The following ROBO2 variants were observed in gnomAD, a reference collection of about 807,000 sequenced individuals.
ROBO2 encodes roundabout guidance receptor 2.
A neutral mutation model predicts 160.8 loss-of-function variants in ROBO2; 53 were observed. That is an observed-to-expected ratio of 0.33 (90% CI 0.26 to 0.41). The LOEUF is 0.41. Among genes scored for constraint, ROBO2 ranks in the 10% least tolerant of loss-of-function variants. ROBO2 has a pLI of 1.00. For synonymous variants in ROBO2, 664 were observed against 611.7 expected, an observed-to-expected ratio of 1.09 and a Z score of -1.26; for missense variants, 1,577 against 1,722.4, an observed-to-expected ratio of 0.92 and a Z score of 1.49.
intron 2 of ROBO2, among the ~76,000 whole-genome samples, chr3:76,074,777 AAAAG>A (rs2107985952): frequency 6.6e-6 from 1 of 152,332 alleles, no homozygotes; most frequent in South Asian, 2.1e-4. Context: ...TTTTAATGAA[AAAAG>A]AAAGTTCTGT....
At chr3:76,932,732 T>C (rs1460835038) in intron 2 of ROBO2, among the ~76,000 whole-genome samples, 2 of 152,178 alleles carry the variant, frequency 1.3e-5, no homozygotes, top group East Asian at 3.8e-4. Context: ...TGTTGTATTA[T>C]GAGGAAGACA....
rs573427600 is a variant in ROBO2 at position 77,480,955 on chromosome 3, C to G, written c.547-144C>G. 5.5e-5 allele frequency: 37 copies of G among 674,980 alleles called. No individual in the cohort carries two copies. In the South Asian group the frequency reaches 6.9e-4, roughly 13 times the overall value. The allele number at this position is 674,980 out of a possible 1,614,324, so 41.8% of individuals were successfully genotyped here. A position where few individuals can be genotyped will look rare whatever the true frequency, so the allele number is the denominator to read the frequency against. The stretch of plus-strand genomic sequence containing the variant: ...GGTGAATTTAAGAAAAGAAAACATA[C>G]CTGCAAATGCCAAAATAATGGGAGA... On this transcript the variant is annotated intron_variant, in intron 3 of 25. Coordinates refer to ENST00000461745, the Ensembl canonical transcript of ROBO2.
At chr3:76,061,559 T>C (rs1469028730) in intron 2 of ROBO2, among the ~76,000 whole-genome samples, 2 of 152,174 alleles carry the variant, frequency 1.3e-5, no homozygotes, top group African/African-American at 2.4e-5. Context: ...TCTGTTGAAA[T>C]TTGTGAAAAA....
At chr3:76,796,479 GGAGGGAA>G (rs1349527576) in intron 2 of ROBO2, among the ~76,000 whole-genome samples, 120 of 91,196 alleles carry the variant, frequency 1.3e-3, no homozygotes, top group Admixed American at 6.2e-3. Flanking sequence ...AAGGAAGGAA[GGAGGGAA>G]GGAAGGAAGG....
At chr3:75,918,387 G>A (rs1559750416) in intron 1 of ROBO2, among the ~76,000 whole-genome samples, 1 of 152,018 alleles carries the variant, frequency 6.6e-6, no homozygotes, top group East Asian at 1.9e-4. Context: ...TGTTTCATTG[G>A]TCTATATATC....
At chr3:76,015,963 A>G (rs771872785) in intron 2 of ROBO2, among the ~76,000 whole-genome samples, 6 of 152,148 alleles carry the variant, frequency 3.9e-5, no homozygotes, top group Non-Finnish European at 7.3e-5. Flanking sequence ...TTTCCTCTTC[A>G]CAGAATGGGA....
At chr3:76,869,340 A>ATCTTTTTTTTTT (rs1178461363) in intron 2 of ROBO2, among the ~76,000 whole-genome samples, 1 of 108,140 alleles carries the variant, frequency 9.2e-6, no homozygotes, top group Non-Finnish European at 1.9e-5. Context: ...GTAGAAATTG[A>ATCTTTTTTTTTT]TGTTTTTTTT....
chr3:77,164,942 G>C (rs1419621878), intron 2 of ROBO2, among the ~76,000 whole-genome samples: 1 of 50,372 alleles, frequency 2.0e-5, no homozygotes, highest in Non-Finnish European at 5.6e-5. Flanking sequence ...AGGTGGGGGC[G>C]GTCAGCCCCC....
At chr3:77,466,833 T>C (rs1021931593) in intron 2 of ROBO2, among the ~76,000 whole-genome samples, 3 of 152,230 alleles carry the variant, frequency 2.0e-5, no homozygotes, top group African/African-American at 7.2e-5. Flanking sequence ...TAATGTGTAA[T>C]AATCCTTAGA....
chr3:76,024,962 G>A (rs2066692547), intron 2 of ROBO2, among the ~76,000 whole-genome samples: 1 of 149,938 alleles, frequency 6.7e-6, no homozygotes, highest in South Asian at 2.1e-4. Context: ...TTATATATAT[G>A]TGTGTATATA....
intron 2 of ROBO2, among the ~76,000 whole-genome samples, chr3:77,204,291 A>G (rs972869135): frequency 6.6e-6 from 1 of 152,198 alleles, no homozygotes; most frequent in African/African-American, 2.4e-5. Context: ...CAGTGCATGC[A>G]ACTAAAATAT....
rs1197351337 is a variant in ROBO2, at chr3:76,873,889, CA to C, written c.110-224124del. On this transcript the variant is annotated intron_variant, in intron 2 of 26. Coordinates refer to the ROBO2 transcript ENST00000487694. ...GGCATATTGTGTATCTGAAGTTTAC[CA>C]CCCAGAAAGACAAGGCCTCGGCCTC... Among the ~76,000 whole-genome samples, 18 of 152,132 alleles carry C rather than the reference CA, an allele frequency of 1.2e-4. No individual in the cohort carries two copies. In the South Asian group the frequency reaches 1.9e-3, roughly 16 times the overall value.
intron 2 of ROBO2, among the ~76,000 whole-genome samples, chr3:76,216,830 T>C (rs987398809): frequency 6.6e-6 from 1 of 151,990 alleles, no homozygotes; most frequent in African/African-American, 2.4e-5. Flanking sequence ...TCTACAGAAC[T>C]CTCCACCCAA....
At chr3:76,396,056 T>G (rs541455962) in intron 2 of ROBO2, among the ~76,000 whole-genome samples, 1 of 152,236 alleles carries the variant, frequency 6.6e-6, no homozygotes, top group Admixed American at 6.5e-5. Flanking sequence ...TGATGAACAT[T>G]GATGCAAAAA....
intron 2 of ROBO2, among the ~76,000 whole-genome samples, chr3:75,974,457 A>G (rs564669175): frequency 6.6e-6 from 1 of 151,610 alleles, no homozygotes; most frequent in Non-Finnish European, 1.5e-5. Flanking sequence ...GAGAGTAGCT[A>G]TACTTCAAAT....
intron 2 of ROBO2, among the ~76,000 whole-genome samples, chr3:76,248,092 A>G (rs899951577): frequency 9.2e-5 from 14 of 152,118 alleles, no homozygotes; most frequent in Admixed American, 9.2e-4. Context: ...GCGATTCCTC[A>G]GGGATCTAGA....
intron 4 of ROBO2, among the ~76,000 whole-genome samples, chr3:77,492,615 GATAA>G (rs1553986818): frequency 6.6e-6 from 1 of 151,862 alleles, no homozygotes; most frequent in Non-Finnish European, 1.5e-5. Flanking sequence ...TCAAAAAATT[GATAA>G]ATAAATAGTT....
chr3:75,964,799 C>G (rs944748014), intron 2 of ROBO2, among the ~76,000 whole-genome samples: 3 of 151,532 alleles, frequency 2.0e-5, no homozygotes, highest in Non-Finnish European at 4.4e-5. Context: ...CATTTTGTTG[C>G]ATGTTGTTAC....
chr3:75,982,892 G>A (rs1211657056), intron 2 of ROBO2, among the ~76,000 whole-genome samples: 4 of 151,316 alleles, frequency 2.6e-5, no homozygotes, highest in African/African-American at 9.7e-5. Flanking sequence ...GTATTGAATG[G>A]TTACTCTGGA....
Sources: allele counts gnomAD v4.1 joint callset (sites outside exome capture counted in the v4.1 genomes callset), GRCh38; gene constraint gnomAD v4.1.1; transcripts MANE v1.5; gene names NCBI Gene and HGNC (gene_info 2026-07-23, HGNC 2026-07-21).